Variants in CYP4X1 observed in about 807,000 individuals in gnomAD.
The protein encoded by CYP4X1 is cytochrome P450 family 4 subfamily X member 1, also known as cytochrome P450 4X1.
A neutral mutation model predicts 57.9 loss-of-function variants in CYP4X1; 44 were observed. The observed-to-expected ratio is 0.76, with a 90% CI of 0.60 to 0.98. The LOEUF (loss-of-function observed/expected upper bound fraction) is 0.98, where lower values mean the gene tolerates loss of function less well. Ranked by LOEUF, CYP4X1 falls within the 50% of genes least tolerant of loss-of-function variation. The probability of loss-of-function intolerance (pLI) is 0.00; values close to 1 mark genes in which losing one functional copy is unlikely to be tolerated. For missense variants in CYP4X1, 532 were observed against 623.9 expected (o/e 0.85, Z 1.57); for synonymous variants, 227 against 228.6 (o/e 0.99, Z 0.06).
At chr1:46,985,772 A>C in the CYP4X1 span, among the ~76,000 whole-genome samples, 25 of 152,360 alleles carry the variant, frequency 1.6e-4, no homozygotes, top group Admixed American at 6.5e-4. Context: ...CCTGCAGCAG[A>C]GACGCTTTAC....
chr1:46,999,898 G>A, the CYP4X1 span, among the ~76,000 whole-genome samples: 30 of 152,068 alleles, frequency 2.0e-4, no homozygotes, highest in African/African-American at 6.3e-4. Flanking sequence ...AGAATTTGGA[G>A]CTGGACTTTT....
At chr1:46,972,428 G>C in the CYP4X1 span, among the ~76,000 whole-genome samples, 555 of 152,196 alleles carry the variant, frequency 3.6e-3, 2 homozygotes, top group Middle Eastern at 0.014. Flanking sequence ...GGGCTCTTTT[G>C]TGGTTCCAAA....
upstream of CYP4X1, among the ~76,000 whole-genome samples, chr1:47,022,550 A>G (rs1212262513): frequency 6.6e-6 from 1 of 151,800 alleles, no homozygotes; most frequent in Admixed American, 6.6e-5. Flanking sequence ...CGGCCTCCCA[A>G]ATTGCTGGGA....
At chr1:46,994,148 T>C in the CYP4X1 span, among the ~76,000 whole-genome samples, 1 of 152,214 alleles carries the variant, frequency 6.6e-6, no homozygotes, top group East Asian at 1.9e-4. Flanking sequence ...TTTCTACATA[T>C]GGCTAGCCAG....
At chr1:46,978,311 G>A in the CYP4X1 span, among the ~76,000 whole-genome samples, 784 of 151,994 alleles carry the variant, frequency 5.2e-3, 9 homozygotes, top group East Asian at 0.054. Flanking sequence ...GCAAAAAAAA[G>A]GCAGGGGTTG....
At chr1:47,053,035 A>C (rs1644369199), downstream of CYP4X1, among the ~76,000 whole-genome samples, 1 of 152,138 alleles carries the variant, frequency 6.6e-6, no homozygotes, top group South Asian at 2.1e-4. Flanking sequence ...ATCATTTAGC[A>C]TTAGGTATAT....
At chr1:46,970,269 T>A in the CYP4X1 span, among the ~76,000 whole-genome samples, 2 of 152,158 alleles carry the variant, frequency 1.3e-5, no homozygotes, top group Non-Finnish European at 2.9e-5. Context: ...TACAGTGAAA[T>A]TTGGAAGACC....
In CYP4X1 at chr1:47,050,495, T is replaced by G. The variant is rs979736481; in HGVS notation, c.*321T>G. On this transcript the variant is annotated 3_prime_UTR_variant, in exon 12 of 12. Coordinates refer to ENST00000371901, the MANE Select transcript of CYP4X1 (RefSeq NM_178033.2). Reference sequence around the variant, plus strand: ...ATTATGCAAGTAATAAGTGCATGTATGCTCACTGTCAAAAATTCCCAACAC... The same window carrying G: ...ATTATGCAAGTAATAAGTGCATGTAGGCTCACTGTCAAAAATTCCCAACAC... 5.9e-6 allele frequency: 1 copy of G among 169,896 alleles called. No individual in the cohort carries two copies. The allele number at this position is 169,896 out of a possible 1,614,324, so 10.5% of individuals were successfully genotyped here. A position where few individuals can be genotyped will look rare whatever the true frequency, so the allele number is the denominator to read the frequency against.
In CYP4X1 at chr1:47,035,802, C is replaced by A; in HGVS notation, c.493-4C>A. The A allele has an allele frequency of 1.2e-6, 2 of 1,610,592 alleles. No individual in the cohort carries two copies. Among genetic ancestry groups the A allele is most frequent in the South Asian group, 2.2e-5 (2 of 90,292 alleles). ...ATGATGTTGGTCTTGACCTCCTGTG[C>A]CAGGATAAGTGGGAGAAGATTTGCA... On this transcript the variant is annotated splice_polypyrimidine_tract_variant and splice_region_variant and intron_variant, in intron 4 of 11. Coordinates refer to ENST00000371901, the MANE Select transcript of CYP4X1 (RefSeq NM_178033.2).
chr1:47,034,091 A>G (rs1644152534), intron 4 of CYP4X1, among the ~76,000 whole-genome samples: 2 of 152,230 alleles, frequency 1.3e-5, no homozygotes, highest in African/African-American at 4.8e-5. Flanking sequence ...TAACAGCTTC[A>G]GATTCAGAGG....
At chr1:47,055,281 G>C (rs959381064), downstream of CYP4X1, among the ~76,000 whole-genome samples, 1 of 152,160 alleles carries the variant, frequency 6.6e-6, no homozygotes, top group Non-Finnish European at 1.5e-5. Context: ...ACTTGATCAT[G>C]GTGGATAAGC....
At chr1:46,964,520 G>A in the CYP4X1 span, among the ~76,000 whole-genome samples, 1 of 152,208 alleles carries the variant, frequency 6.6e-6, no homozygotes, top group Non-Finnish European at 1.5e-5. Context: ...GACCCTGTTT[G>A]CCTGGGTATC....
chr1:47,000,471 G>A, the CYP4X1 span, among the ~76,000 whole-genome samples: 6,197 of 152,104 alleles, frequency 0.041, 432 homozygotes, highest in African/African-American at 0.14. Flanking sequence ...GGTTTGGCCC[G>A]GCCCACAACT....
At chr1:46,971,375 G>A in the CYP4X1 span, among the ~76,000 whole-genome samples, 3 of 152,276 alleles carry the variant, frequency 2.0e-5, no homozygotes, top group South Asian at 6.2e-4. Flanking sequence ...ACAGTGCTGT[G>A]ATGAACATAT....
the CYP4X1 span, among the ~76,000 whole-genome samples, chr1:46,980,931 G>A: frequency 2.1e-5 from 3 of 140,664 alleles, no homozygotes; most frequent in Non-Finnish European, 3.1e-5. Flanking sequence ...CTAGCCATAT[G>A]TAGAAAGCTG....
the CYP4X1 span, among the ~76,000 whole-genome samples, chr1:46,988,317 C>T: frequency 6.6e-6 from 1 of 151,982 alleles, no homozygotes. Flanking sequence ...ACACATACCC[C>T]CTCCCAAGTC....
intron 1 of CYP4X1, among the ~76,000 whole-genome samples, chr1:47,025,052 A>T (rs564556034): frequency 2.0e-5 from 3 of 152,316 alleles, no homozygotes; most frequent in Admixed American, 2.0e-4. Flanking sequence ...ACCAAGCCTC[A>T]TGTTGAAATT....
chr1:46,974,948 G>C, the CYP4X1 span, among the ~76,000 whole-genome samples: 1 of 151,942 alleles, frequency 6.6e-6, no homozygotes, highest in African/African-American at 2.4e-5. Flanking sequence ...TAGATAGTAA[G>C]GGTATATATA....
At chr1:47,018,057 CA>C in the CYP4X1 span, among the ~76,000 whole-genome samples, 1 of 152,222 alleles carries the variant, frequency 6.6e-6, no homozygotes, top group Non-Finnish European at 1.5e-5. Context: ...CAACTCCCAT[CA>C]AAAACACACC....
Sources: allele counts gnomAD v4.1 joint callset (sites outside exome capture counted in the v4.1 genomes callset), GRCh38; gene constraint gnomAD v4.1.1; transcripts MANE v1.5; gene names NCBI Gene and HGNC (gene_info 2026-07-23, HGNC 2026-07-21).